Variants in WWC2 observed in about 807,000 individuals in gnomAD.
The protein encoded by WWC2 is protein WWC2.
In WWC2, 101 loss-of-function variants were observed where a neutral mutation model predicts 138.5. That is an observed-to-expected ratio of 0.73 (90% confidence interval 0.62 to 0.86). The LOEUF is 0.86. WWC2 is among the 40% of genes least tolerant of loss of function. The pLI is 0.00. For synonymous variants in WWC2, 558 were observed against 538.4 expected (o/e 1.04, Z -0.50); for missense variants, 1,420 against 1,419.4 (o/e 1.00, Z -0.01).
In WWC2 at chr4:183,289,470, T is replaced by C. The variant is rs1434989973; in HGVS notation, c.3219T>C (p.Leu1073=). 6.2e-7 allele frequency: 1 copy of C among 1,613,570 alleles called. No homozygotes were observed. The highest frequency in any genetic ancestry group is 1.7e-5 in the Admixed American group (1 of 59,952). Reference sequence around the variant, plus strand: ...CATCTCTAGACTTAGAACTGGACCTTCAGGCATCTCTGACCCGGCAGAGCC... The same window carrying C: ...CATCTCTAGACTTAGAACTGGACCTCCAGGCATCTCTGACCCGGCAGAGCC... ...VRTSLDLELD[L]QASLTRQSRL... The change falls in exon 21 of 23, where the codon CTT becomes CTC. Residue 1073 remains leucine, a synonymous_variant. Transcript: ENST00000403733.
At chr4:183,184,830 C>G (rs1734744187) in intron 1 of WWC2, among the ~76,000 whole-genome samples, 1 of 152,110 alleles carries the variant, frequency 6.6e-6, no homozygotes, top group Non-Finnish European at 1.5e-5. Flanking sequence ...AGTTAAGTAT[C>G]CTTTGAAGAA....
At chr4:183,273,644 A>G (rs1737767241) in intron 16 of WWC2, among the ~76,000 whole-genome samples, 1 of 152,116 alleles carries the variant, frequency 6.6e-6, no homozygotes, top group South Asian at 2.1e-4. Context: ...TTCCTTACCT[A>G]TTCTTGATGC....
intron 1 of WWC2, among the ~76,000 whole-genome samples, chr4:183,101,523 C>CTT (rs762973288): frequency 2.0e-4 from 30 of 152,136 alleles, no homozygotes; most frequent in Admixed American, 9.8e-4. Flanking sequence ...AATTTGACGA[C>CTT]TTACAAATAT....
At chr4:183,232,187 CTT>C (rs1222414387) in intron 4 of WWC2, among the ~76,000 whole-genome samples, 1 of 152,026 alleles carries the variant, frequency 6.6e-6, no homozygotes, top group Non-Finnish European at 1.5e-5. Flanking sequence ...ATGCTTTTGT[CTT>C]TATTAGTAGA....
chr4:183,260,646 A>G (rs1272589596), intron 10 of WWC2, among the ~76,000 whole-genome samples: 3 of 152,230 alleles, frequency 2.0e-5, no homozygotes, highest in African/African-American at 7.2e-5. Flanking sequence ...TTGGGTGTGC[A>G]GTAGGCTGTA....
chr4:183,259,875 T>C, intron 10 of WWC2, 147 bp downstream of exon 10: 1 of 659,300 alleles, frequency 1.5e-6, no homozygotes, highest in South Asian at 2.0e-5. Context: ...AGATTTAAAG[T>C]CACATTTTCT....
chr4:183,133,338 A>C (rs569830659), intron 1 of WWC2, among the ~76,000 whole-genome samples: 1 of 151,096 alleles, frequency 6.6e-6, no homozygotes, highest in African/African-American at 2.4e-5. Flanking sequence ...TTTTCAAATG[A>C]CTGATGATAA....
In WWC2 at chr4:183,252,369, C is replaced by CA. The variant is rs1737004429; in HGVS notation, c.954-1387dup. ...ATCTTGTCGTTATGGTCGAAAGAAC[C>CA]ATGTGCCGCTTACCTTATGAACAGT... On this transcript the variant is annotated intron_variant, in intron 8 of 22. Transcript: ENST00000403733. Among the ~76,000 whole-genome samples the CA allele has an allele frequency of 2.6e-5, 4 of 152,264 alleles. No individual in the cohort carries two copies. The South Asian group carries it at 8.3e-4, about 32-fold the overall frequency.
At chr4:183,176,787 T>C (rs959575088) in intron 1 of WWC2, among the ~76,000 whole-genome samples, 2 of 152,090 alleles carry the variant, frequency 1.3e-5, no homozygotes, top group African/African-American at 4.8e-5. Context: ...CTCTCCTTAC[T>C]CTCACAGGGG....
intron 4 of WWC2, among the ~76,000 whole-genome samples, chr4:183,215,975 A>G (rs1222220786): frequency 6.6e-6 from 1 of 152,208 alleles, no homozygotes; most frequent in Non-Finnish European, 1.5e-5. Flanking sequence ...TAAAGCCTAC[A>G]AAGCTCATTT....
In WWC2 at chr4:183,248,623, G is replaced by C. The variant is rs143621190; in HGVS notation, c.733-91G>C. 37 of 1,335,190 alleles carry C rather than the reference G, an allele frequency of 2.8e-5. No homozygotes were observed. The African/African-American group carries it at 4.7e-4, about 17-fold the overall frequency. The allele number at this position is 1,335,190 out of a possible 1,614,324, so 82.7% of individuals were successfully genotyped here. ...AAATAAAGTTGTTTTTTTCCATTGAGATTAGCTCTTTCCTTTTAATTTCAC... is the reference window on the plus strand; with the variant it reads ...AAATAAAGTTGTTTTTTTCCATTGACATTAGCTCTTTCCTTTTAATTTCAC... On this transcript the variant is annotated intron_variant, in intron 6 of 22. Coordinates refer to ENST00000403733, the MANE Select transcript of WWC2 (RefSeq NM_024949.6).
chr4:183,163,440 T>TA (rs1734017980), intron 1 of WWC2, among the ~76,000 whole-genome samples: 2 of 152,266 alleles, frequency 1.3e-5, no homozygotes. Flanking sequence ...ATCAGTCCAG[T>TA]AAAAAAACTG....
intron 1 of WWC2, among the ~76,000 whole-genome samples, chr4:183,188,725 AC>A (rs1191248152): frequency 1.4e-5 from 2 of 145,510 alleles, no homozygotes; most frequent in African/African-American, 5.1e-5. Context: ...ACTCACTGCA[AC>A]CTCCACCTCC....
intron 1 of WWC2, among the ~76,000 whole-genome samples, chr4:183,113,981 A>G (rs2152888318): frequency 6.6e-6 from 1 of 152,244 alleles, no homozygotes; most frequent in Admixed American, 6.5e-5. Flanking sequence ...GGAAAGACCG[A>G]GGGAGAATGT....
rs117124994 is a variant in WWC2 at position 183,212,265 on chromosome 4, A to G, written c.522+3240A>G. ...GTTTGTCTACACTTACTGGAAGCAAACCTCTTTAGTTTGGATTTCTTTATT... is the reference window on the plus strand; with the variant it reads ...GTTTGTCTACACTTACTGGAAGCAAGCCTCTTTAGTTTGGATTTCTTTATT... On this transcript the variant is annotated intron_variant, in intron 4 of 22. Transcript: ENST00000403733. 9.2e-5 allele frequency among the ~76,000 whole-genome samples: 14 copies of G among 151,956 alleles called. No homozygotes were observed. In the East Asian group the frequency reaches 2.5e-3, roughly 27 times the overall value.
chr4:183,253,369 A>G (rs1013195975), intron 8 of WWC2, among the ~76,000 whole-genome samples: 1 of 152,150 alleles, frequency 6.6e-6, no homozygotes, highest in Non-Finnish European at 1.5e-5. Flanking sequence ...CAGTTTTTTT[A>G]AAGGGAACCC....
At chr4:183,176,446 G>T (rs1010183698) in intron 1 of WWC2, among the ~76,000 whole-genome samples, 3 of 151,754 alleles carry the variant, frequency 2.0e-5, no homozygotes, top group South Asian at 2.1e-4. Context: ...TTTTTGAGAC[G>T]CAGTATCACT....
intron 16 of WWC2, among the ~76,000 whole-genome samples, chr4:183,274,107 C>T (rs1737780099): frequency 6.6e-6 from 1 of 152,216 alleles, no homozygotes; most frequent in African/African-American, 2.4e-5. Flanking sequence ...TAGTACTGCA[C>T]TGCTTTGATT....
intron 9 of WWC2, among the ~76,000 whole-genome samples, 176 bp from the exon 10 acceptor site, chr4:183,259,463 C>T (rs1013700341): frequency 1.3e-5 from 2 of 152,192 alleles, no homozygotes; most frequent in Non-Finnish European, 2.9e-5. Flanking sequence ...CATCCTTCAG[C>T]TTGGCTCGTG....
Sources: gnomAD v4.1 joint callset for allele counts (sites outside exome capture counted in the v4.1 genomes callset) on GRCh38, gnomAD v4.1.1 for gene constraint, MANE v1.5 for transcripts, NCBI Gene and HGNC (gene_info 2026-07-23, HGNC 2026-07-21) for gene names.